Variants in NCL observed in about 807,000 individuals in gnomAD.
The protein encoded by NCL is nucleolin multifunctional protein.
In NCL, 4 loss-of-function variants were observed where a neutral mutation model predicts 77.7. That is an observed-to-expected ratio of 0.05 (90% confidence interval 0.03 to 0.12). The LOEUF is 0.12. Among genes scored for constraint, NCL ranks in the 10% least tolerant of loss-of-function variants. The pLI is 1.00. For missense variants in NCL, 763 were observed against 860.9 expected, an observed-to-expected ratio of 0.89 and a Z score of 1.42; for synonymous variants, 344 against 297.8, an observed-to-expected ratio of 1.16 and a Z score of -1.60.
At chr2:231,458,586 T>C (rs1263105787) in intron 7 of NCL, 197 bp from the exon 8 acceptor site, 4 of 672,644 alleles carry the variant, frequency 5.9e-6, no homozygotes, top group Non-Finnish European at 9.7e-6. Flanking sequence ...TCACAGCTGA[T>C]GTCAAACTCT....
At chr2:231,456,855 G>A in intron 10 of NCL, 91 bp from the exon 11 acceptor site, 2 of 1,565,786 alleles carry the variant, frequency 1.3e-6, no homozygotes, top group Admixed American at 1.9e-5. Context: ...CTCTCAAGTT[G>A]GTACCTAAAT....
chr2:231,460,876 A>C lies in NCL; in HGVS notation c.614-10T>G, dbSNP rs1213750772. 5.6e-6 allele frequency: 9 copies of C among 1,609,950 alleles called. No homozygotes were observed. Among genetic ancestry groups the C allele is most frequent in the Non-Finnish European group, 7.6e-6 (9 of 1,176,902 alleles). ...GCTTCTTCTTCAGAGTCTGAAAGAG[A>C]AGTCACCTAAAAATTGCAGCAATCT... On this transcript the variant is annotated splice_polypyrimidine_tract_variant and intron_variant, in intron 3 of 13. Coordinates refer to ENST00000322723, the MANE Select transcript of NCL (RefSeq NM_005381.3).
chr2:231,462,068 A>G (rs776145061), intron 2 of NCL, 51 bp from the exon 3 acceptor site: 4 of 1,596,308 alleles, frequency 2.5e-6, no homozygotes, highest in Admixed American at 3.3e-5. Context: ...ACACCCAAAA[A>G]GATAACCATG....
chr2:231,460,718 T>TTCATCATCTTCGTCG lies in NCL; in HGVS notation c.747_761dup (p.Asp249_Asp253dup). 6.3e-7 allele frequency: 1 copy of TTCATCATCTTCGTCG among 1,595,518 alleles called. No individual in the cohort carries two copies. The highest frequency in any genetic ancestry group is 8.6e-7 in the Non-Finnish European group (1 of 1,163,916). On this transcript the variant is annotated inframe_insertion, in exon 4 of 14. Coordinates refer to ENST00000322723, the MANE Select transcript of NCL (RefSeq NM_005381.3). The stretch of plus-strand genomic sequence containing the variant: ...CCTCATCATCTTCATCATCATCATC[T>TTCATCATCTTCGTCG]TCATCATCTTCGTCGTCGTCGTCAT...
chr2:231,460,685 T>C lies in NCL; in HGVS notation c.795A>G (p.Glu265=), dbSNP rs1559541972. ...DDDDEDDEEE[E]EEEEEEPVKE... is the part of the protein sequence containing the mutation. ...TTTAAGTACCTTCCTCCTCCTCTTC[T>C]TCCTCCTCCTCATCATCTTCATCAT... Residue 265 remains glutamate (E), a synonymous_variant, in exon 4 of 14, where the codon GAA becomes GAG. Coordinates refer to ENST00000322723, the MANE Select transcript of NCL (RefSeq NM_005381.3). 6 of 1,612,658 alleles carry C rather than the reference T, an allele frequency of 3.7e-6. 1 individual carries two copies. Among genetic ancestry groups the C allele is most frequent in the South Asian group, 3.3e-5 (3 of 90,938 alleles).
chr2:231,455,781 T>A (rs770227954), intron 12 of NCL, 157 bp from the exon 13 acceptor site: 1 of 1,135,476 alleles, frequency 8.8e-7, no homozygotes, highest in Non-Finnish European at 1.3e-6. Context: ...AACTAACTGG[T>A]GTGACAGCTT....
In NCL at chr2:231,455,247, C is replaced by T. The variant is rs1374326862; in HGVS notation, c.2077G>A (p.Gly693Ser). Residue 693 changes from glycine to serine, a missense_variant, in exon 14 of 14, where the codon GGC becomes AGC. Physicochemically the swap from Gly to Ser is moderately conservative, Grantham distance 56. Transcript: ENST00000322723. The part of the protein sequence containing the change: ...GFGGRGGFRG[G>S]RGGGGDHKPQ... Reference sequence around the variant, plus strand: ...TTGTGGTCACCTCCTCCTCCTCTGCCTCCTCGGAAGCCTCCTCGCCCTACA... The same window carrying T: ...TTGTGGTCACCTCCTCCTCCTCTGCTTCCTCGGAAGCCTCCTCGCCCTACA... 3.7e-6 allele frequency: 6 copies of T among 1,614,124 alleles called. No homozygotes were observed. Among genetic ancestry groups the T allele is most frequent in the Non-Finnish European group, 4.2e-6 (5 of 1,179,950 alleles).
At position 231,461,650 on chromosome 2, in the gene NCL, T is replaced by C. The variant is rs562209638; in HGVS notation, c.503A>G (p.Asp168Gly). The C allele has an allele frequency of 3.8e-5, 61 of 1,610,292 alleles. No individual in the cohort carries two copies. In the South Asian group the frequency reaches 6.7e-4, roughly 18 times the overall value. Residue 168 changes from aspartate to glycine, a missense_variant, in exon 3 of 14, where the codon GAT (aspartate) becomes GGT (glycine). Physicochemically the swap from Asp to Gly is moderately conservative, Grantham distance 94 (BLOSUM62 -1). This residue lies in a region of NCL where 590 missense variants were observed against 570.5 expected (regional missense o/e 1.03). Coordinates refer to ENST00000322723, the MANE Select transcript of NCL (RefSeq NM_005381.3). ...EDDEDEDEDEDEIEPAAMKAA... is the reference protein window; with the variant it reads ...EDDEDEDEDEGEIEPAAMKAA... ...TTTCATCGCTGCTGGTTCAATTTCATCTTCATCCTCATCCTCGTCCTCGTC... is the reference window on the plus strand; with the variant it reads ...TTTCATCGCTGCTGGTTCAATTTCACCTTCATCCTCATCCTCGTCCTCGTC...
In NCL at chr2:231,460,783, C is replaced by G; in HGVS notation, c.697G>C (p.Ala233Pro). 6.2e-7 allele frequency: 1 copy of G among 1,614,156 alleles called. No homozygotes were observed. Among genetic ancestry groups the G allele is most frequent in the South Asian group, 1.1e-5 (1 of 91,082 alleles). ...TCCTCTTCTTCATCTTCATCCTCAG[C>G]CACGTTCTTGGCTTTCACAGGAACA... ...KVVPVKAKNV[A>P]EDEDEEEDDE... Residue 233 changes from alanine (A) to proline (P), a missense_variant, in exon 4 of 14, where the codon GCT (alanine) becomes CCT (proline). Physicochemically the swap from Ala to Pro is conservative, Grantham distance 27 (BLOSUM62 -1). This residue lies in a region of NCL where 590 missense variants were observed against 570.5 expected (regional missense o/e 1.03). Coordinates refer to ENST00000322723, the MANE Select transcript of NCL (RefSeq NM_005381.3).
intron 9 of NCL, 110 bp from the exon 10 acceptor site, chr2:231,457,234 A>G (rs1360966575): frequency 1.4e-6 from 2 of 1,436,338 alleles, no homozygotes; most frequent in African/African-American, 2.8e-5. Context: ...TTAATATACA[A>G]ATACTCATGA....
chr2:231,456,565 G>A (rs781406507), intron 11 of NCL, 66 bp downstream of exon 11: 1 of 1,604,794 alleles, frequency 6.2e-7, no homozygotes, highest in South Asian at 1.1e-5. Context: ...CAGAATTTGT[G>A]CAAAAAATAA....
chr2:231,460,318 T>C (rs2046934579), intron 5 of NCL, 25 bp from the exon 6 acceptor site: 1 of 1,614,014 alleles, frequency 6.2e-7, no homozygotes, highest in African/African-American at 1.3e-5. Context: ...CTCAACTCAG[T>C]CTACTTGTAG....
At chr2:231,461,028 TAGCACTTTGGG>T (rs1267121882) in intron 3 of NCL, among the ~76,000 whole-genome samples, 162 bp from the exon 4 acceptor site, 4 of 152,154 alleles carry the variant, frequency 2.6e-5, no homozygotes, top group African/African-American at 9.7e-5. Context: ...CCTGTAATCC[TAGCACTTTGGG>T]AGACCAAGGT....
At chr2:231,458,905 A>AAAAT in intron 7 of NCL, 96 bp downstream of exon 7, 1 of 1,318,990 alleles carries the variant, frequency 7.6e-7, no homozygotes, top group East Asian at 2.6e-5. Flanking sequence ...ATGATTTAAA[A>AAAAT]AAATAAGAGG....
At chr2:231,463,163 T>C in intron 2 of NCL, 37 bp downstream of exon 2, 1 of 1,444,826 alleles carries the variant, frequency 6.9e-7, no homozygotes, top group Non-Finnish European at 9.5e-7. Flanking sequence ...CATTTTGTAG[T>C]TTTAACATAA....
chr2:231,462,918 T>C (rs2046965834), intron 2 of NCL: 1 of 377,490 alleles, frequency 2.6e-6, no homozygotes, highest in Non-Finnish European at 4.9e-6. Flanking sequence ...GAGGCTAACA[T>C]GTTGAAACTG....
At chr2:231,458,963 C>A in intron 7 of NCL, 38 bp downstream of exon 7, 1 of 1,507,886 alleles carries the variant, frequency 6.6e-7, no homozygotes, top group South Asian at 1.3e-5. Flanking sequence ...CAGTCTAGCT[C>A]CTGAGTTCAT....
chr2:231,457,189 G>A (rs1038014505), intron 9 of NCL, 65 bp from the exon 10 acceptor site: 1 of 1,598,798 alleles, frequency 6.3e-7, no homozygotes, highest in African/African-American at 1.3e-5. Flanking sequence ...GGTCACAACA[G>A]TAATATCTTA....
At chr2:231,464,007 G>T in intron 1 of NCL, 1 of 765,986 alleles carries the variant, frequency 1.3e-6, no homozygotes, top group Non-Finnish European at 1.7e-6. Flanking sequence ...GCGCTCCCGG[G>T]CACGTGCGTC....
Sources: gnomAD v4.1 joint callset for allele counts (sites outside exome capture counted in the v4.1 genomes callset) on GRCh38, gnomAD v4.1.1 for gene constraint, gnomAD v4.1.1 regional missense constraint, MANE v1.5 for transcripts, NCBI Gene and HGNC (gene_info 2026-07-23, HGNC 2026-07-21) for gene names.